ARHGAP15: variants seen among roughly 807,000 people sequenced by gnomAD.
The protein encoded by ARHGAP15 is rho GTPase-activating protein 15.
Under a neutral mutation model 63.7 loss-of-function variants are expected in ARHGAP15, and 51 were observed. The ratio of observed to expected loss-of-function variants is 0.80; its 90% confidence interval spans 0.64 to 1.01. ARHGAP15 has a LOEUF of 1.01. ARHGAP15 is among the 50% of genes least tolerant of loss of function. The pLI is 0.00. For synonymous variants in ARHGAP15, 191 were observed against 193.8 expected (o/e 0.99, Z 0.12); for missense variants, 560 against 564.6 (o/e 0.99, Z 0.08).
intron 6 of ARHGAP15, among the ~76,000 whole-genome samples, chr2:143,280,524 C>A (rs1053311166): frequency 1.3e-5 from 2 of 152,182 alleles, no homozygotes; most frequent in African/African-American, 4.8e-5. Flanking sequence ...TCATAAACTC[C>A]TCTGCTCTTG....
chr2:143,448,602 T>TCCC (rs1690254524), intron 8 of ARHGAP15, among the ~76,000 whole-genome samples: 7 of 152,184 alleles, frequency 4.6e-5, no homozygotes, highest in African/African-American at 1.7e-4. Flanking sequence ...ACATATATTG[T>TCCC]AAGTCTTGGC....
intron 11 of ARHGAP15, among the ~76,000 whole-genome samples, chr2:143,598,741 C>T (rs1244838569): frequency 2.0e-5 from 3 of 151,904 alleles, no homozygotes; most frequent in African/African-American, 7.3e-5. Context: ...CCCCCATCTC[C>T]GTAAAAACAT....
At chr2:143,495,840 C>T (rs1362450026) in intron 9 of ARHGAP15, among the ~76,000 whole-genome samples, 1 of 152,166 alleles carries the variant, frequency 6.6e-6, no homozygotes, top group Non-Finnish European at 1.5e-5. Flanking sequence ...TAGAGACATG[C>T]TCCAACTTTG....
At chr2:143,711,991 G>C (rs948728415) in intron 13 of ARHGAP15, among the ~76,000 whole-genome samples, 2 of 152,178 alleles carry the variant, frequency 1.3e-5, no homozygotes, top group African/African-American at 4.8e-5. Context: ...CTCAAGTGGA[G>C]AGGTAAGGTA....
chr2:143,509,765 A>G (rs977024176), intron 9 of ARHGAP15, among the ~76,000 whole-genome samples: 4 of 152,086 alleles, frequency 2.6e-5, no homozygotes, highest in African/African-American at 4.8e-5. Context: ...GTCCACACCT[A>G]TAATTCCAGC....
intron 6 of ARHGAP15, among the ~76,000 whole-genome samples, chr2:143,346,250 T>TCACACACACA (rs138964635): frequency 3.6e-5 from 5 of 138,750 alleles, no homozygotes; most frequent in African/African-American, 1.4e-4. Context: ...ACACACACAC[T>TCACACACACA]CACACACACA....
At chr2:143,720,836 G>A (rs564598072) in intron 13 of ARHGAP15, among the ~76,000 whole-genome samples, 8 of 152,042 alleles carry the variant, frequency 5.3e-5, no homozygotes, top group Admixed American at 3.9e-4. Context: ...TTTGGAGGCC[G>A]AGGCGGGCGG....
chr2:143,638,767 A>C (rs1680467265), intron 12 of ARHGAP15, among the ~76,000 whole-genome samples: 1 of 151,692 alleles, frequency 6.6e-6, no homozygotes. Context: ...AACATTTAGA[A>C]AGAATTTGAA....
At chr2:143,394,087 G>A (rs1687658315) in intron 6 of ARHGAP15, among the ~76,000 whole-genome samples, 2 of 152,172 alleles carry the variant, frequency 1.3e-5, no homozygotes, top group Non-Finnish European at 2.9e-5. Context: ...CATATACACA[G>A]TGATCACTAA....
intron 6 of ARHGAP15, among the ~76,000 whole-genome samples, chr2:143,416,645 C>G (rs1054713020): frequency 6.6e-6 from 1 of 152,050 alleles, no homozygotes; most frequent in Non-Finnish European, 1.5e-5. Flanking sequence ...TTCTGAGGTC[C>G]CTTCTTTCTC....
At chr2:143,653,065 T>C (rs1170578712) in intron 12 of ARHGAP15, among the ~76,000 whole-genome samples, 1 of 152,080 alleles carries the variant, frequency 6.6e-6, no homozygotes, top group Non-Finnish European at 1.5e-5. Context: ...GTCCTGAGTA[T>C]GCTAAGAGTT....
At chr2:143,500,785 C>T (rs563190736) in intron 9 of ARHGAP15, among the ~76,000 whole-genome samples, 3 of 152,124 alleles carry the variant, frequency 2.0e-5, no homozygotes, top group Admixed American at 6.5e-5. Context: ...TAAGAAACTG[C>T]TACCAAGGTT....
intron 6 of ARHGAP15, among the ~76,000 whole-genome samples, chr2:143,275,846 A>T (rs933368230): frequency 1.1e-4 from 16 of 152,122 alleles, no homozygotes; most frequent in African/African-American, 3.9e-4. Flanking sequence ...CATTTGTTTG[A>T]CTTCCCAATG....
chr2:143,719,156 C>T (rs1046621862), intron 13 of ARHGAP15, among the ~76,000 whole-genome samples: 2 of 152,226 alleles, frequency 1.3e-5, no homozygotes, highest in Admixed American at 1.3e-4. Context: ...ACCTCTTTTC[C>T]TGCTCTCCAT....
intron 9 of ARHGAP15, among the ~76,000 whole-genome samples, chr2:143,497,998 G>A (rs1468191059): frequency 1.3e-5 from 2 of 152,078 alleles, no homozygotes; most frequent in African/African-American, 2.4e-5. Context: ...AGACTGCTAC[G>A]AGCAAAGGAA....
intron 6 of ARHGAP15, among the ~76,000 whole-genome samples, chr2:143,429,112 T>C (rs927646537): frequency 1.3e-5 from 2 of 152,152 alleles, no homozygotes; most frequent in Non-Finnish European, 2.9e-5. Flanking sequence ...CTGTGGAAAT[T>C]GCTAAACTAT....
chr2:143,156,130 G>T (rs992415301), intron 2 of ARHGAP15, among the ~76,000 whole-genome samples: 1 of 151,810 alleles, frequency 6.6e-6, no homozygotes, highest in African/African-American at 2.4e-5. Context: ...ATTTGGAGTG[G>T]GCTTAAAGGA....
chr2:143,270,067 G>A (rs1340045786), intron 6 of ARHGAP15, among the ~76,000 whole-genome samples: 1 of 152,034 alleles, frequency 6.6e-6, no homozygotes, highest in Admixed American at 6.6e-5. Context: ...CCACCTCTCG[G>A]GTTCAAGCGA....
intron 9 of ARHGAP15, among the ~76,000 whole-genome samples, chr2:143,498,189 A>G (rs1692904668): frequency 6.6e-6 from 1 of 152,160 alleles, no homozygotes; most frequent in African/African-American, 2.4e-5. Context: ...ATTTTATTTC[A>G]GGGGCCCAAA....
Sources: allele counts gnomAD v4.1 joint callset (sites outside exome capture counted in the v4.1 genomes callset), GRCh38; gene constraint gnomAD v4.1.1; transcripts MANE v1.5; gene names NCBI Gene and HGNC (gene_info 2026-07-23, HGNC 2026-07-21).